Variants in CNBD1 observed in about 807,000 individuals in gnomAD.
CNBD1 encodes cyclic nucleotide-binding domain-containing protein 1.
CNBD1 carries 71 observed loss-of-function variants against 54.4 expected under a neutral mutation model. The ratio of observed to expected loss-of-function variants is 1.30; its 90% CI spans 1.08 to 1.59. CNBD1 has a LOEUF of 1.59. Among genes scored for constraint, CNBD1 ranks in the 40% most tolerant of loss-of-function variants. CNBD1 has a pLI of 0.00. For missense variants in CNBD1, 659 were observed against 518.0 expected, an observed-to-expected ratio of 1.27 and a Z score of -2.64; for synonymous variants, 182 against 170.7, an observed-to-expected ratio of 1.07 and a Z score of -0.51.
At chr8:87,270,177 G>C (rs1808333735) in intron 6 of CNBD1, among the ~76,000 whole-genome samples, 2 of 151,898 alleles carry the variant, frequency 1.3e-5, no homozygotes, top group African/African-American at 2.4e-5. Context: ...CATCTCAATA[G>C]ATGCAGAGAA....
chr8:87,160,346 C>T (rs1240180246), intron 4 of CNBD1, among the ~76,000 whole-genome samples: 3 of 151,888 alleles, frequency 2.0e-5, no homozygotes, highest in Non-Finnish European at 4.4e-5. Flanking sequence ...TTTTACAATA[C>T]ATTTTTCTTT....
intron 4 of CNBD1, among the ~76,000 whole-genome samples, chr8:87,150,354 A>G (rs2130747885): frequency 1.3e-5 from 2 of 152,332 alleles, no homozygotes; most frequent in Middle Eastern, 6.8e-3. Context: ...CTGCTGTTGA[A>G]GTCTGTAGAG....
chr8:86,965,328 G>A (rs986826019), intron 4 of CNBD1, among the ~76,000 whole-genome samples: 1 of 152,126 alleles, frequency 6.6e-6, no homozygotes, highest in African/African-American at 2.4e-5. Flanking sequence ...TAACACCAAG[G>A]TGTAGCCTCA....
intron 4 of CNBD1, among the ~76,000 whole-genome samples, chr8:87,103,464 G>A (rs942634571): frequency 6.6e-6 from 1 of 152,154 alleles, no homozygotes; most frequent in African/African-American, 2.4e-5. Flanking sequence ...CCTAGGACTT[G>A]GTAATTTATA....
chr8:87,337,054 G>A (rs745912284), intron 8 of CNBD1, among the ~76,000 whole-genome samples: 21 of 152,168 alleles, frequency 1.4e-4, no homozygotes, highest in African/African-American at 2.2e-4. Context: ...CTGGAGAACA[G>A]CAAAGATGGG....
intron 5 of CNBD1, among the ~76,000 whole-genome samples, chr8:87,226,578 T>C (rs988584545): frequency 1.3e-5 from 2 of 148,800 alleles, no homozygotes; most frequent in Non-Finnish European, 2.9e-5. Flanking sequence ...TCCTGAGTTC[T>C]AGTTTGATTG....
At chr8:87,081,569 G>A (rs1379713058) in intron 4 of CNBD1, among the ~76,000 whole-genome samples, 1 of 150,268 alleles carries the variant, frequency 6.7e-6, no homozygotes, top group Admixed American at 6.6e-5. Context: ...GCAGTGGCGC[G>A]ACCTCGGCTC....
At chr8:87,019,860 C>A (rs1036427959) in intron 4 of CNBD1, among the ~76,000 whole-genome samples, 3 of 152,114 alleles carry the variant, frequency 2.0e-5, no homozygotes, top group Non-Finnish European at 4.4e-5. Flanking sequence ...GTCTGGGCAA[C>A]AGAGTGAGAC....
chr8:86,925,779 T>C (rs934368379), intron 3 of CNBD1, among the ~76,000 whole-genome samples: 12 of 147,806 alleles, frequency 8.1e-5, no homozygotes, highest in Middle Eastern at 3.3e-3. Flanking sequence ...AGGGCACCTG[T>C]AATCCTGTGT....
At chr8:87,341,678 C>A (rs973713294) in intron 8 of CNBD1, among the ~76,000 whole-genome samples, 1 of 152,242 alleles carries the variant, frequency 6.6e-6, no homozygotes, top group African/African-American at 2.4e-5. Flanking sequence ...CTTGCTCTCT[C>A]TTTTCCTTTT....
intron 4 of CNBD1, among the ~76,000 whole-genome samples, chr8:87,134,022 A>C (rs1445073153): frequency 1.3e-5 from 2 of 152,190 alleles, no homozygotes; most frequent in African/African-American, 4.8e-5. Flanking sequence ...TGGCTTAGGA[A>C]TACCAAACAT....
At chr8:87,327,540 A>G (rs200040958) in intron 8 of CNBD1, among the ~76,000 whole-genome samples, 9 of 152,252 alleles carry the variant, frequency 5.9e-5, no homozygotes, top group African/African-American at 1.7e-4. Context: ...GAAAAGCGCA[A>G]TATTCGGGTG....
chr8:86,937,308 A>G (rs1238284525), intron 3 of CNBD1, among the ~76,000 whole-genome samples: 1 of 152,186 alleles, frequency 6.6e-6, no homozygotes, highest in East Asian at 1.9e-4. Context: ...CTCCCACAAC[A>G]CGTGGGAATT....
chr8:87,420,765 G>T (rs1298661479), intron 2 of CNBD1, among the ~76,000 whole-genome samples: 2 of 148,902 alleles, frequency 1.3e-5, no homozygotes, highest in Admixed American at 6.7e-5. Flanking sequence ...TTGTTTGCTT[G>T]ATTTTCTTCT....
At chr8:86,968,646 A>T (rs1055623610) in intron 4 of CNBD1, among the ~76,000 whole-genome samples, 6 of 152,182 alleles carry the variant, frequency 3.9e-5, no homozygotes, top group Non-Finnish European at 5.9e-5. Context: ...AATATTTTTT[A>T]AAAGATTCAG....
chr8:87,063,894 TTTTA>T (rs1273259725), intron 4 of CNBD1, among the ~76,000 whole-genome samples: 1 of 151,988 alleles, frequency 6.6e-6, no homozygotes, highest in East Asian at 1.9e-4. Context: ...AATTTTTATT[TTTTA>T]TTTACTTATT....
chr8:87,079,670 A>G (rs1261559400), intron 4 of CNBD1, among the ~76,000 whole-genome samples: 1 of 152,014 alleles, frequency 6.6e-6, no homozygotes, highest in African/African-American at 2.4e-5. Context: ...CCCACTTTTT[A>G]TATAGTTGTT....
chr8:87,105,714 C>CA (rs1211460043), intron 4 of CNBD1, among the ~76,000 whole-genome samples: 1 of 147,114 alleles, frequency 6.8e-6, no homozygotes, highest in Non-Finnish European at 1.5e-5. Context: ...TAGGCTAAGC[C>CA]TTTTTTTTTT....
At chr8:87,035,266 T>G (rs1809897145) in intron 4 of CNBD1, among the ~76,000 whole-genome samples, 1 of 152,196 alleles carries the variant, frequency 6.6e-6, no homozygotes, top group African/African-American at 2.4e-5. Context: ...GCTTCTAGTA[T>G]AACTGTAACC....
Sources: gnomAD v4.1 joint callset for allele counts (sites outside exome capture counted in the v4.1 genomes callset) on GRCh38, gnomAD v4.1.1 for gene constraint, MANE v1.5 for transcripts, NCBI Gene and HGNC (gene_info 2026-07-23, HGNC 2026-07-21) for gene names.